Variants in TACC2 observed in about 807,000 individuals in gnomAD.
The protein encoded by TACC2 is transforming acidic coiled-coil-containing protein 2.
A neutral mutation model predicts 227.3 loss-of-function variants in TACC2; 137 were observed. The observed-to-expected ratio is 0.60, with a 90% CI of 0.52 to 0.69. TACC2 has a LOEUF of 0.69. Among genes scored for constraint, TACC2 ranks in the 30% least tolerant of loss-of-function variants. TACC2 has a pLI of 0.00. For missense variants in TACC2, 3,470 were observed against 3,694.4 expected, an observed-to-expected ratio of 0.94 and a Z score of 1.57; for synonymous variants, 1,523 against 1,487.5, an observed-to-expected ratio of 1.02 and a Z score of -0.55.
At chr10:122,166,846 A>G (rs1258120609) in intron 7 of TACC2, among the ~76,000 whole-genome samples, 2 of 152,198 alleles carry the variant, frequency 1.3e-5, no homozygotes, top group African/African-American at 4.8e-5. Context: ...ATGAGTAGCA[A>G]GGGGAGGGAG....
In TACC2 at chr10:122,150,845, C is replaced by G. The variant is rs959472616; in HGVS notation, c.5834+7139C>G. ...GCTTTGTTTGCATTTTTTGATCCTGCCAGCCAGCCTCTCGGCAGATACATC... is the reference window on the plus strand; with the variant it reads ...GCTTTGTTTGCATTTTTTGATCCTGGCAGCCAGCCTCTCGGCAGATACATC... On this transcript the variant is annotated intron_variant, in intron 7 of 22. Coordinates refer to ENST00000369005, the MANE Select transcript of TACC2 (RefSeq NM_206862.4). This position sits in a 1 kb window ranked among gnomAD's most constrained non-coding sequence, Gnocchi z 4.0. Among the ~76,000 whole-genome samples, 1 of 152,194 alleles carries G rather than the reference C, an allele frequency of 6.6e-6. No homozygotes were observed. The highest frequency in any genetic ancestry group is 1.5e-5 in the Non-Finnish European group (1 of 68,026).
chr10:122,213,657 T>A (rs993455623), intron 9 of TACC2, among the ~76,000 whole-genome samples: 1 of 152,274 alleles, frequency 6.6e-6, no homozygotes, highest in Non-Finnish European at 1.5e-5. Context: ...GCATATTGGA[T>A]GTCTTCATCT....
intron 7 of TACC2, among the ~76,000 whole-genome samples, chr10:122,178,464 C>T (rs188888408): frequency 2.4e-4 from 36 of 152,114 alleles, no homozygotes; most frequent in Admixed American, 1.7e-3. Flanking sequence ...CTCAAACTCC[C>T]GACCTCAGGT....
chr10:122,197,859 C>T lies in TACC2; in HGVS notation c.5971+2683C>T, dbSNP rs111875845. On this transcript the variant is annotated intron_variant, in intron 8 of 22. Coordinates refer to ENST00000369005, the MANE Select transcript of TACC2 (RefSeq NM_206862.4). ...CCGCCTCCCAGGCGGAGGGTCCCCT[C>T]GTCCATTCTGTAGACCAGCATGGGG... Among the ~76,000 whole-genome samples the T allele has an allele frequency of 5.8e-3, 885 of 152,308 alleles. 5 individuals carry two copies. Among genetic ancestry groups the T allele is most frequent in the Non-Finnish European group, 0.01 (709 of 68,036 alleles).
intron 5 of TACC2, among the ~76,000 whole-genome samples, chr10:122,091,961 T>G (rs1236160028): frequency 6.6e-6 from 1 of 152,202 alleles, no homozygotes; most frequent in African/African-American, 2.4e-5. Flanking sequence ...TGACACCAAT[T>G]GTACCTGCCT....
chr10:122,248,616 C>T (rs562871549), intron 19 of TACC2, 27 bp from the exon 20 acceptor site: 4 of 1,611,794 alleles, frequency 2.5e-6, no homozygotes, highest in Non-Finnish European at 2.5e-6. Flanking sequence ...TGGGCTCCAT[C>T]ATTTGGCTCC....
At position 122,057,820 on chromosome 10, in the gene TACC2, C is replaced by T. The variant is rs574612805; in HGVS notation, c.146+7270C>T. 2.0e-5 allele frequency among the ~76,000 whole-genome samples: 3 copies of T among 152,148 alleles called. No individual in the cohort carries two copies. In the East Asian group the frequency reaches 5.8e-4, roughly 29 times the overall value. On this transcript the variant is annotated intron_variant, in intron 3 of 22. Transcript: ENST00000369005. Reference sequence around the variant, plus strand: ...CAGCCTGGACAGCAAGAGTGAAACTCCGTCTCAAAAAAACAAAAACAAAAA... The same window carrying T: ...CAGCCTGGACAGCAAGAGTGAAACTTCGTCTCAAAAAAACAAAAACAAAAA...
At chr10:122,109,974 A>C (rs973635401) in intron 5 of TACC2, among the ~76,000 whole-genome samples, 2 of 152,204 alleles carry the variant, frequency 1.3e-5, no homozygotes, top group Non-Finnish European at 2.9e-5. Context: ...CTCTTCTCCA[A>C]ACAAAATCTT....
At chr10:122,005,188 T>A (rs931853686) in intron 1 of TACC2, among the ~76,000 whole-genome samples, 1 of 151,580 alleles carries the variant, frequency 6.6e-6, no homozygotes, top group Non-Finnish European at 1.5e-5. Flanking sequence ...TTCAAGTGAT[T>A]CTCCTGCCTC....
chr10:122,110,452 A>T lies in TACC2; in HGVS notation c.5573+21861A>T, dbSNP rs565434660. Among the ~76,000 whole-genome samples the T allele has an allele frequency of 2.6e-5, 4 of 152,288 alleles. No individual in the cohort carries two copies. The South Asian group carries it at 8.3e-4, about 32-fold the overall frequency. On this transcript the variant is annotated intron_variant, in intron 5 of 22. Coordinates refer to ENST00000369005, the MANE Select transcript of TACC2 (RefSeq NM_206862.4). ...GGCCGAGAGTTTCTGATATCGACGT[A>T]TTTCTGTCGTGTGGCAGGATTTGAG...
intron 2 of TACC2, among the ~76,000 whole-genome samples, chr10:122,024,761 A>G (rs1353860098): frequency 1.3e-5 from 2 of 152,148 alleles, no homozygotes; most frequent in Non-Finnish European, 2.9e-5. Context: ...TTTATTGCTG[A>G]ATAGTATTCC....
In TACC2 at chr10:122,087,318, C is replaced by A; in HGVS notation, c.4818C>A (p.Cys1606Ter). 6.2e-7 allele frequency: 1 copy of A among 1,613,980 alleles called. No individual in the cohort carries two copies. Among genetic ancestry groups the A allele is most frequent in the Non-Finnish European group, 8.5e-7 (1 of 1,180,004 alleles). ...AGCAGCACCAGGAAACATCTGCCTG[C>A]GACAGTCCACATGGAGAAGATGGTC... ...SGKQHQETSA[C>*]DSPHGEDGPG... The change falls in exon 4 of 23, where the codon TGC (cysteine) becomes TGA (stop). Residue 1606 changes from cysteine to a stop codon, truncating the protein, a stop_gained. Coordinates refer to ENST00000369005, the MANE Select transcript of TACC2 (RefSeq NM_206862.4). LOFTEE classifies it high-confidence loss of function.
Position 122,195,100 on chromosome 10 carries a change from G to T in TACC2, c.5895G>T (p.Pro1965=), listed in dbSNP as rs201214429. 3 of 1,613,364 alleles carry T rather than the reference G, an allele frequency of 1.9e-6. No individual in the cohort carries two copies. The highest frequency in any genetic ancestry group is 1.7e-5 in the Admixed American group (1 of 59,964). Reference sequence around the variant, plus strand: ...AGTCAACGACCCCTGTCAAAGCTCCGCCAGCTCCACCCCCACCACCCCCCG... The same window carrying T: ...AGTCAACGACCCCTGTCAAAGCTCCTCCAGCTCCACCCCCACCACCCCCCG... ...TPESTTPVKA[P]PAPPPPPPEV... Residue 1965 remains proline (P), a synonymous_variant, in exon 8 of 23, where the codon CCG becomes CCT. Transcript: ENST00000369005.
At chr10:121,994,571 A>C (rs373999874) in intron 1 of TACC2, 1 of 152,248 alleles carries the variant, frequency 6.6e-6, no homozygotes, top group East Asian at 1.9e-4. Context: ...ACCTTAAGCC[A>C]ATGCACATTT....
chr10:122,195,575 A>G (rs1224384979), intron 8 of TACC2, among the ~76,000 whole-genome samples: 1 of 152,210 alleles, frequency 6.6e-6, no homozygotes, highest in Non-Finnish European at 1.5e-5. Context: ...GGGCGGGGAT[A>G]GAGAGGTAGA....
chr10:122,213,268 C>A lies in TACC2; in HGVS notation c.7283+1560C>A. On this transcript the variant is annotated intron_variant, in intron 9 of 22. Transcript: ENST00000369005. ...CGCCATATCCTAACCCATTAATAAC[C>A]AGTTGTCTGCAGATTTATCTTTTTT... is the stretch of plus-strand genomic sequence containing the variant. 12 of 1,491,088 alleles carry A rather than the reference C, an allele frequency of 8.0e-6. No homozygotes were observed. The South Asian group carries it at 1.4e-4, about 17-fold the overall frequency. 92.4% of individuals were successfully genotyped at this position (1,491,088 alleles called of 1,614,324 possible). A position where few individuals can be genotyped will look rare whatever the true frequency, so the allele number is the denominator to read the frequency against.
rs991612701 is a variant in TACC2 at position 122,086,150 on chromosome 10, C to G, written c.3650C>G (p.Pro1217Arg). ...TMDFSTHQAV[P>R]DPKELLLSGP... is the part of the protein sequence containing the mutation. ...GATTTTTCTACACACCAGGCTGTCCCAGACCCAAAGGAGCTCCTGCTGTCT... is the reference window on the plus strand; with the variant it reads ...GATTTTTCTACACACCAGGCTGTCCGAGACCCAAAGGAGCTCCTGCTGTCT... Residue 1217 changes from proline (P) to arginine (R), a missense_variant, in exon 4 of 23, where the codon CCA (proline) becomes CGA (arginine). Coordinates refer to ENST00000369005, the MANE Select transcript of TACC2 (RefSeq NM_206862.4). 6.2e-7 allele frequency: 1 copy of G among 1,613,512 alleles called. No individual in the cohort carries two copies. The highest frequency in any genetic ancestry group is 1.3e-5 in the African/African-American group (1 of 74,938).
At position 122,188,873 on chromosome 10, in the gene TACC2, G is replaced by A. The variant is rs116456801; in HGVS notation, c.5835-6167G>A. ...GTCATCTGCTTTGATTTTTCGCGAG[G>A]CAGCCGTAGGTGTCAGCCTGGAAAA... On this transcript the variant is annotated intron_variant, in intron 7 of 22. Coordinates refer to ENST00000369005, the MANE Select transcript of TACC2 (RefSeq NM_206862.4). Among the ~76,000 whole-genome samples, 894 of 152,280 alleles carry A rather than the reference G, an allele frequency of 5.9e-3. 8 individuals are homozygous for A. The highest frequency in any genetic ancestry group is 0.02 in the African/African-American group (820 of 41,554).
At chr10:122,025,839 G>T (rs1241794684) in intron 2 of TACC2, among the ~76,000 whole-genome samples, 1 of 151,044 alleles carries the variant, frequency 6.6e-6, no homozygotes, top group African/African-American at 2.4e-5. Context: ...TGCCCAAAGT[G>T]CTGGGATTAC....
Sources: gnomAD v4.1 joint callset for allele counts (sites outside exome capture counted in the v4.1 genomes callset) on GRCh38, gnomAD v4.1.1 for gene constraint, Gnocchi (gnomAD v3.1) non-coding constraint, MANE v1.5 for transcripts, NCBI Gene and HGNC (gene_info 2026-07-23, HGNC 2026-07-21) for gene names.